The following DNAH1 variants were observed in gnomAD, a reference collection of about 807,000 sequenced individuals.
The protein encoded by DNAH1 is dynein axonemal heavy chain 1, also known as axonemal beta dynein heavy chain 1.
A neutral mutation model predicts 484.3 loss-of-function variants in DNAH1; 327 were observed. The ratio of observed to expected loss-of-function variants is 0.68; its 90% CI spans 0.62 to 0.74. The LOEUF is 0.74. DNAH1 is among the 30% of genes least tolerant of loss of function. The pLI is 0.00. For missense variants in DNAH1, 5,052 were observed against 5,546.8 expected, an observed-to-expected ratio of 0.91 and a Z score of 2.83; for synonymous variants, 2,192 against 2,191.9, an observed-to-expected ratio of 1.00 and a Z score of 0.00.
At chr3:52,394,087 ACT>A (rs1704511418) in intron 66 of DNAH1, among the ~76,000 whole-genome samples, 1 of 151,902 alleles carries the variant, frequency 6.6e-6, no homozygotes, top group South Asian at 2.1e-4. Context: ...AGGAACTCAC[ACT>A]CTCATGAAGC....
intron 56 of DNAH1, among the ~76,000 whole-genome samples, 193 bp downstream of exon 56, chr3:52,387,046 A>G (rs1005070442): frequency 6.6e-6 from 1 of 152,210 alleles, no homozygotes; most frequent in African/African-American, 2.4e-5. Context: ...GGCTGGAACC[A>G]GAGCCTGGCC....
chr3:52,326,957 A>C, intron 5 of DNAH1, 66 bp downstream of exon 5: 15 of 1,533,764 alleles, frequency 9.8e-6, no homozygotes, highest in African/African-American at 1.4e-5. Flanking sequence ...GTGGACGCTC[A>C]GGAGTCAGAT....
chr3:52,382,344 T>A lies in DNAH1; in HGVS notation c.7830T>A (p.Ile2610=). ...SHMAEYECFQ[I]ELSKNYGMSE... is the part of the protein sequence containing the mutation. ...GGGCCGAGTACGAGTGCTTCCAGAT[T>A]GAACTATCCAAGAACTACGGCATGT... The change falls in exon 50 of 78, where the codon ATT becomes ATA. Residue 2610 remains isoleucine, a synonymous_variant. Transcript: ENST00000420323. 6.2e-7 allele frequency: 1 copy of A among 1,613,908 alleles called. No individual in the cohort carries two copies. Among genetic ancestry groups the A allele is most frequent in the Non-Finnish European group, 8.5e-7 (1 of 1,179,876 alleles).
chr3:52,361,671 T>G lies in DNAH1; in HGVS notation c.4885T>G (p.Trp1629Gly). The G allele has an allele frequency of 6.2e-7, 1 of 1,606,200 alleles. No homozygotes were observed. The highest frequency in any genetic ancestry group is 1.1e-5 in the South Asian group (1 of 89,224). The change falls in exon 30 of 78, where the codon TGG (tryptophan) becomes GGG (glycine). Residue 1629 changes from tryptophan to glycine, a missense_variant. This residue lies in a region of DNAH1 where 2,929 missense variants were observed against 3,409.4 expected (regional missense o/e 0.86). Transcript: ENST00000420323. This position sits in a 1 kb window ranked among gnomAD's most constrained non-coding sequence, Gnocchi z 5.6. ...FFKGLASAGA[W>G]ACFDEFNRID... Reference sequence around the variant, plus strand: ...TCCGGCCTCACTCAGTGCTGGGGCCTGGGCCTGCTTCGACGAGTTCAATCG... The same window carrying G: ...TCCGGCCTCACTCAGTGCTGGGGCCGGGGCCTGCTTCGACGAGTTCAATCG...
Position 52,326,310 on chromosome 3 carries a change from G to T in DNAH1, c.577G>T (p.Glu193Ter). The T allele has an allele frequency of 6.2e-7, 1 of 1,605,142 alleles. No homozygotes were observed. The change falls in exon 4 of 78, where the codon GAG becomes TAG. Residue 193 changes from glutamate to a stop codon, truncating the protein, a stop_gained. Transcript: ENST00000420323. LOFTEE classifies it high-confidence loss of function. ...CCAGCATCCTCGCAAGATTGAGATCGAGAGGTACGGCTGGGTGGGCTGTGG... is the reference window on the plus strand; with the variant it reads ...CCAGCATCCTCGCAAGATTGAGATCTAGAGGTACGGCTGGGTGGGCTGTGG... ...PGQHPRKIEI[E>*]RRKQQYLSLD...
Position 52,326,202 on chromosome 3 carries a change from A to G in DNAH1, c.469A>G (p.Thr157Ala). Reference protein sequence around the residue: ...ERMEQQCIGSTTRLLAQTDFP... With the variant: ...ERMEQQCIGSATRLLAQTDFP... Reference sequence around the variant, plus strand: ...CATGGAGCAGCAGTGCATCGGGTCCACCACCCGGCTGCTCGCCCAGACTGA... The same window carrying G: ...CATGGAGCAGCAGTGCATCGGGTCCGCCACCCGGCTGCTCGCCCAGACTGA... Residue 157 changes from threonine (T) to alanine (A), a missense_variant, in exon 4 of 78, where the codon ACC (threonine) becomes GCC (alanine). Coordinates refer to ENST00000420323, the MANE Select transcript of DNAH1 (RefSeq NM_015512.5). 1.2e-6 allele frequency: 2 copies of G among 1,612,972 alleles called. No individual in the cohort carries two copies. Among genetic ancestry groups the G allele is most frequent in the Non-Finnish European group, 1.7e-6 (2 of 1,179,542 alleles).
At chr3:52,371,877 A>G (rs1703354233) in intron 41 of DNAH1, 69 bp from the exon 42 acceptor site, 4 of 1,579,948 alleles carry the variant, frequency 2.5e-6, no homozygotes, top group South Asian at 2.3e-5. Flanking sequence ...GCACTTGGCC[A>G]TGGGGCCGCA....
At chr3:52,384,158 T>C in intron 52 of DNAH1, 127 bp downstream of exon 52, 1 of 1,038,860 alleles carries the variant, frequency 9.6e-7, no homozygotes, top group Non-Finnish European at 1.3e-6. Flanking sequence ...GGTCAGGCTG[T>C]GTTTCCTGTC....
intron 11 of DNAH1, 144 bp downstream of exon 11, chr3:52,346,914 G>A: frequency 1.1e-6 from 1 of 870,158 alleles, no homozygotes; most frequent in Admixed American, 2.8e-5. Context: ...CCTGCAGGCT[G>A]CTGGGCAATG....
Position 52,389,521 on chromosome 3 carries a change from C to T in DNAH1, c.9556C>T (p.Pro3186Ser). 1 of 1,591,808 alleles carries T rather than the reference C, an allele frequency of 6.3e-7. No individual in the cohort carries two copies. The highest frequency in any genetic ancestry group is 8.6e-7 in the Non-Finnish European group (1 of 1,169,468). ...CAAGCAGCTCAGGAGCCACAATGTC[C>T]CACACACCTCCGAGCCCACGCTAAT... ...WVKQLRSHNV[P>S]HTSEPTLIGT... is the part of the protein sequence containing the mutation. The change falls in exon 60 of 78, where the codon CCA becomes TCA. Residue 3186 changes from proline to serine, a missense_variant. Physicochemically the swap from Pro to Ser is moderately conservative, Grantham distance 74. This residue lies in a region of DNAH1 where 2,929 missense variants were observed against 3,409.4 expected (regional missense o/e 0.86). Transcript: ENST00000420323.
chr3:52,383,767 C>T (rs532206540), intron 51 of DNAH1, 93 bp from the exon 52 acceptor site: 13 of 1,456,780 alleles, frequency 8.9e-6, no homozygotes, highest in Middle Eastern at 1.8e-4. Flanking sequence ...TCCTGGCTGC[C>T]ATGCCACAGG....
chr3:52,349,105 T>A (rs1360196263), intron 13 of DNAH1, 24 bp downstream of exon 13: 2 of 1,612,782 alleles, frequency 1.2e-6, no homozygotes. Flanking sequence ...CCCATGCACG[T>A]CGGAGGGTGT....
At chr3:52,382,570 C>T in intron 50 of DNAH1, 115 bp downstream of exon 50, 1 of 1,487,500 alleles carries the variant, frequency 6.7e-7, no homozygotes. Flanking sequence ...CAGGGCAGAT[C>T]TCAGAAGAGA....
At chr3:52,387,149 A>AAGTC (rs1465751990) in intron 56 of DNAH1, among the ~76,000 whole-genome samples, 1 of 152,178 alleles carries the variant, frequency 6.6e-6, no homozygotes, top group Non-Finnish European at 1.5e-5. Flanking sequence ...GCCCCATAGG[A>AAGTC]AGTCACCCAT....
rs755865291 is a variant in DNAH1 at position 52,349,191 on chromosome 3, T to C, written c.2301-4T>C. 1 of 1,613,198 alleles carries C rather than the reference T, an allele frequency of 6.2e-7. No individual in the cohort carries two copies. The highest frequency in any genetic ancestry group is 8.5e-7 in the Non-Finnish European group (1 of 1,179,518). On this transcript the variant is annotated splice_region_variant and splice_polypyrimidine_tract_variant and intron_variant, in intron 13 of 77. Transcript: ENST00000420323. The stretch of plus-strand genomic sequence containing the variant: ...GCCCCCTCCCGTGTGCTTGCTGTCC[T>C]CAGAACCTACCAGACGCAGGGCCTG...
chr3:52,400,319 T>C lies in DNAH1; in HGVS notation c.12677-6T>C. 6.2e-7 allele frequency: 1 copy of C among 1,613,898 alleles called. No homozygotes were observed. Among genetic ancestry groups the C allele is most frequent in the South Asian group, 1.1e-5 (1 of 91,084 alleles). On this transcript the variant is annotated splice_polypyrimidine_tract_variant and splice_region_variant and intron_variant, in intron 77 of 77. Coordinates refer to ENST00000420323, the MANE Select transcript of DNAH1 (RefSeq NM_015512.5). The stretch of plus-strand genomic sequence containing the variant: ...CCTAACCCGTCCCCCTCCTTGCCCA[T>C]TCCAGGAACACTATCAACCACAGGA...
intron 44 of DNAH1, chr3:52,373,801 C>T (rs1224744155): frequency 2.1e-6 from 3 of 1,422,334 alleles, no homozygotes; most frequent in Admixed American, 1.7e-5. Flanking sequence ...GAATATATCA[C>T]CCATAATTGG....
Position 52,400,245 on chromosome 3 carries a change from C to T in DNAH1, c.12677-80C>T, listed in dbSNP as rs1179820014. The T allele has an allele frequency of 3.2e-6, 5 of 1,573,694 alleles. No homozygotes were observed. The African/African-American group carries it at 5.4e-5, about 17-fold the overall frequency. ...CCCTCCCTGTCCTCAGCTTAGTCTG[C>T]CCACTGCCCTGCCCCTACGCTATCC... is the stretch of plus-strand genomic sequence containing the variant. On this transcript the variant is annotated intron_variant, in intron 77 of 77. Coordinates refer to ENST00000420323, the MANE Select transcript of DNAH1 (RefSeq NM_015512.5).
intron 1 of DNAH1, among the ~76,000 whole-genome samples, chr3:52,320,709 G>T (rs1177784852): frequency 6.6e-6 from 1 of 152,078 alleles, no homozygotes; most frequent in African/African-American, 2.4e-5. Context: ...GAAGGGATGG[G>T]AAAATGGGAT....
Sources: allele counts gnomAD v4.1 joint callset (sites outside exome capture counted in the v4.1 genomes callset), GRCh38; gene constraint gnomAD v4.1.1; regional missense constraint gnomAD v4.1.1; non-coding constraint Gnocchi (gnomAD v3.1); transcripts MANE v1.5; gene names NCBI Gene and HGNC (gene_info 2026-07-23, HGNC 2026-07-21).